IGSF5: variants seen among roughly 807,000 people sequenced by gnomAD.
IGSF5 encodes the protein immunoglobulin superfamily 5 like.
Under a neutral mutation model 39.4 loss-of-function variants are expected in IGSF5, and 41 were observed. The ratio of observed to expected loss-of-function variants is 1.04; its 90% confidence interval spans 0.81 to 1.35. The LOEUF (loss-of-function observed/expected upper bound fraction) is 1.35, where lower values mean the gene tolerates loss of function less well. Among genes scored for constraint, IGSF5 ranks in the 40% most tolerant of loss-of-function variants. The probability of loss-of-function intolerance (pLI) is 0.00; values close to 1 mark genes in which losing one functional copy is unlikely to be tolerated. For missense variants in IGSF5, 487 were observed against 494.6 expected (o/e 0.98, Z 0.15); for synonymous variants, 183 against 175.3 (o/e 1.04, Z -0.34).
At position 39,801,957 on chromosome 21, in the gene IGSF5, A is replaced by C. The variant is rs568796178; in HGVS notation, c.*600A>C. The stretch of plus-strand genomic sequence containing the variant: ...CTGCCCCTTTATCAGACCTATTTGC[A>C]TCTCCTCAAATGAATTAGATGTGGC... On this transcript the variant is annotated 3_prime_UTR_variant, in exon 9 of 9. Transcript: ENST00000380588. 1.3e-5 allele frequency: 2 copies of C among 152,414 alleles called. No homozygotes were observed. The highest frequency in any genetic ancestry group is 1.3e-4 in the Admixed American group (2 of 15,304). The allele number at this position is 152,414 out of a possible 1,614,324, so 9.4% of individuals were successfully genotyped here.
At chr21:39,759,729 T>C (rs62237170) in intron 2 of IGSF5, among the ~76,000 whole-genome samples, 64,451 of 151,560 alleles carry the variant, frequency 0.43, 14,085 homozygotes, top group Non-Finnish European at 0.49. Flanking sequence ...TAGCAGGGTG[T>C]GGTGGCACGC....
intron 8 of IGSF5, among the ~76,000 whole-genome samples, chr21:39,793,898 T>C (rs896749993): frequency 6.6e-6 from 1 of 152,146 alleles, no homozygotes; most frequent in African/African-American, 2.4e-5. Flanking sequence ...TCCGCCTGAG[T>C]TGGCATAAGA....
intron 2 of IGSF5, among the ~76,000 whole-genome samples, chr21:39,758,013 C>G (rs1288565999): frequency 1.3e-5 from 2 of 152,174 alleles, no homozygotes; most frequent in Non-Finnish European, 2.9e-5. Flanking sequence ...ACGGTAGATG[C>G]TTGTCAGTGA....
At chr21:39,726,371 C>T in the IGSF5 span, among the ~76,000 whole-genome samples, 1 of 152,158 alleles carries the variant, frequency 6.6e-6, no homozygotes, top group Admixed American at 6.5e-5. Flanking sequence ...TCTACAAAGG[C>T]TGGGATAGTG....
chr21:39,737,207 T>C, the IGSF5 span, among the ~76,000 whole-genome samples: 2 of 149,224 alleles, frequency 1.3e-5, no homozygotes, highest in African/African-American at 4.9e-5. Context: ...CCCTCACCAC[T>C]CAATGTGCTT....
intron 2 of IGSF5, among the ~76,000 whole-genome samples, chr21:39,749,410 G>A (rs1404624318): frequency 2.0e-5 from 3 of 152,044 alleles, no homozygotes; most frequent in Non-Finnish European, 2.9e-5. Context: ...ACAGAATTTC[G>A]CCATGTTGGC....
At position 39,792,047 on chromosome 21, in the gene IGSF5, A is replaced by G; in HGVS notation, c.996A>G (p.Thr332=). The change falls in exon 7 of 9, where the codon ACA becomes ACG. Residue 332 remains threonine (T), a synonymous_variant. Transcript: ENST00000380588. ...EKEKTNKETE[T]ESGNENSGYN... ...AGAAGACAAACAAAGAAACTGAGAC[A>G]GAAAGTGGAAATGAAAACTCCGGCT... is the stretch of plus-strand genomic sequence containing the variant. 5.6e-6 allele frequency: 9 copies of G among 1,611,340 alleles called. No individual in the cohort carries two copies. Among genetic ancestry groups the G allele is most frequent in the Non-Finnish European group, 6.8e-6 (8 of 1,178,696 alleles).
At chr21:39,736,649 A>C in the IGSF5 span, among the ~76,000 whole-genome samples, 112 of 152,340 alleles carry the variant, frequency 7.4e-4, no homozygotes, top group Non-Finnish European at 1.4e-3. Context: ...CAATAGAAAC[A>C]GTCCCGGCCC....
chr21:39,739,756 G>A, the IGSF5 span, among the ~76,000 whole-genome samples: 8 of 152,158 alleles, frequency 5.3e-5, no homozygotes, highest in East Asian at 1.9e-4. Flanking sequence ...GGGCTGTCAG[G>A]GTGGTCCAGG....
intron 2 of IGSF5, among the ~76,000 whole-genome samples, chr21:39,754,313 C>T (rs922042014): frequency 5.3e-5 from 8 of 152,236 alleles, no homozygotes; most frequent in Admixed American, 1.3e-4. Context: ...AAAGATAGGA[C>T]TTCAATCCCT....
intron 2 of IGSF5, among the ~76,000 whole-genome samples, chr21:39,759,015 C>G (rs1305272778): frequency 6.6e-6 from 1 of 152,142 alleles, no homozygotes; most frequent in Admixed American, 6.5e-5. Context: ...TTTCCAGTTA[C>G]TCCACCCCAC....
chr21:39,720,200 A>C, the IGSF5 span, among the ~76,000 whole-genome samples: 3 of 152,138 alleles, frequency 2.0e-5, no homozygotes, highest in Non-Finnish European at 4.4e-5. Context: ...CACAACCTAG[A>C]TGCCTCTCAC....
upstream of IGSF5, among the ~76,000 whole-genome samples, chr21:39,742,584 TG>T (rs1387069956): frequency 6.6e-6 from 1 of 152,232 alleles, no homozygotes; most frequent in African/African-American, 2.4e-5. Flanking sequence ...CCTGGGGCAG[TG>T]GGCCTTCCAG....
chr21:39,736,508 A>T, the IGSF5 span, among the ~76,000 whole-genome samples: 1 of 152,182 alleles, frequency 6.6e-6, no homozygotes, highest in Non-Finnish European at 1.5e-5. Flanking sequence ...TTAAAGCTGC[A>T]TTTCAAAACC....
intron 3 of IGSF5, among the ~76,000 whole-genome samples, chr21:39,767,593 T>C (rs1402988375): frequency 6.6e-6 from 1 of 152,210 alleles, no homozygotes; most frequent in African/African-American, 2.4e-5. Context: ...GTATGGCCAT[T>C]TGCTATTATT....
At chr21:39,739,994 T>C in the IGSF5 span, among the ~76,000 whole-genome samples, 2 of 152,230 alleles carry the variant, frequency 1.3e-5, no homozygotes, top group South Asian at 4.1e-4. Context: ...TTTGGCCATC[T>C]GATGGGTGCT....
chr21:39,788,172 C>A lies in IGSF5; in HGVS notation c.940C>A (p.Arg314Ser), dbSNP rs139012406. Residue 314 changes from arginine (R) to serine (S), a missense_variant, in exon 6 of 9, where the codon CGT becomes AGT. Physicochemically the swap from Arg to Ser is moderately radical, Grantham distance 110. Coordinates refer to ENST00000380588, the MANE Select transcript of IGSF5 (RefSeq NM_001080444.2). The part of the protein sequence containing the change: ...CFCCRRKRGF[R>S]IQFQKKSEKE... The stretch of plus-strand genomic sequence containing the variant: ...AATTTTGTTCTTTTTTGCAGGATTT[C>A]GTATTCAATTTCAAAAGTAAGTTTG... 1.7e-3 allele frequency: 2,660 copies of A among 1,590,670 alleles called. 6 individuals carry two copies. The highest frequency in any genetic ancestry group is 1.9e-3 in the Non-Finnish European group (2,159 of 1,163,382).
At chr21:39,714,201 T>TAA in the IGSF5 span, among the ~76,000 whole-genome samples, 1 of 152,234 alleles carries the variant, frequency 6.6e-6, no homozygotes, top group East Asian at 1.9e-4. Context: ...TCAGCAGCTG[T>TAA]GCTTGGGACT....
intron 5 of IGSF5, among the ~76,000 whole-genome samples, chr21:39,783,061 G>A (rs2080179953): frequency 6.6e-6 from 1 of 151,980 alleles, no homozygotes; most frequent in African/African-American, 2.4e-5. Flanking sequence ...ATTTCATTCT[G>A]TTTTACGGTG....
Sources: gnomAD v4.1 joint callset for allele counts (sites outside exome capture counted in the v4.1 genomes callset) on GRCh38, gnomAD v4.1.1 for gene constraint, MANE v1.5 for transcripts, NCBI Gene and HGNC (gene_info 2026-07-23, HGNC 2026-07-21) for gene names.